MALL: variants seen among roughly 807,000 people sequenced by gnomAD.
MALL encodes mal, T cell differentiation protein like.
A neutral mutation model predicts 10.3 loss-of-function variants in MALL; 2 were observed. That is an observed-to-expected ratio of 0.19 (90% CI 0.08 to 0.61). The LOEUF (loss-of-function observed/expected upper bound fraction) is 0.61. MALL is among the 20% of genes least tolerant of loss of function. The probability of loss-of-function intolerance (pLI) is 0.88; values close to 1 mark genes in which losing one functional copy is unlikely to be tolerated. For missense variants in MALL, 39 were observed against 115.2 expected, an observed-to-expected ratio of 0.34 and a Z score of 3.03; for synonymous variants, 27 against 51.8, an observed-to-expected ratio of 0.52 and a Z score of 2.05.
intron 1 of MALL, among the ~76,000 whole-genome samples, chr2:110,104,917 A>G (rs991562726): frequency 2.0e-5 from 3 of 152,302 alleles, no homozygotes; most frequent in Non-Finnish European, 4.4e-5. Flanking sequence ...TTGACTTACA[A>G]TTGTTACTTG....
chr2:110,103,908 T>A (rs1678632319), intron 1 of MALL, among the ~76,000 whole-genome samples: 1 of 152,112 alleles, frequency 6.6e-6, no homozygotes, highest in Non-Finnish European at 1.5e-5. Flanking sequence ...CCAGCATCTC[T>A]CTGCTGTGTG....
At chr2:110,111,797 A>T (rs1290817567) in intron 1 of MALL, among the ~76,000 whole-genome samples, 1 of 152,204 alleles carries the variant, frequency 6.6e-6, no homozygotes, top group Non-Finnish European at 1.5e-5. Context: ...CAAAAAGAAC[A>T]AATCTGGAGG....
chr2:110,106,678 G>A (rs913462517), intron 1 of MALL, among the ~76,000 whole-genome samples: 5 of 152,036 alleles, frequency 3.3e-5, no homozygotes, highest in African/African-American at 9.7e-5. Context: ...TTAATAAAGC[G>A]TACACTTACT....
At chr2:110,116,700 G>A (rs1241435245), upstream of MALL, 1 of 152,340 alleles carries the variant, frequency 6.6e-6, no homozygotes, top group Non-Finnish European at 1.5e-5. Context: ...CCAGAGGCAA[G>A]CAACTCCTTT....
intron 1 of MALL, among the ~76,000 whole-genome samples, chr2:110,095,791 G>T (rs1004208235): frequency 6.6e-6 from 1 of 152,074 alleles, no homozygotes; most frequent in Admixed American, 6.5e-5. Context: ...GGAGAGGGAG[G>T]TTGAGCCTGG....
At chr2:110,104,786 C>T (rs1678650832) in intron 1 of MALL, among the ~76,000 whole-genome samples, 1 of 152,172 alleles carries the variant, frequency 6.6e-6, no homozygotes, top group Admixed American at 6.5e-5. Context: ...GTGTTAGTTG[C>T]ACCACTCCTT....
intron 1 of MALL, among the ~76,000 whole-genome samples, chr2:110,114,160 G>T (rs540609104): frequency 1.3e-5 from 2 of 152,022 alleles, no homozygotes; most frequent in South Asian, 4.2e-4. Flanking sequence ...TTCTCCCCTG[G>T]CCTCTAGGCC....
chr2:110,115,924 G>T, upstream of MALL: 1 of 410,202 alleles, frequency 2.4e-6, no homozygotes, highest in East Asian at 3.6e-5. Context: ...AGCCGAGCAG[G>T]TCCTTCCACT....
Position 110,115,696 on chromosome 2 carries a change from G to C in MALL, c.97C>G (p.Pro33Ala). ...GGGGGTGCCGCACTCACCAGCTCGG[G>C]CAGGAAGAAGGCGAAAGGGATGGTG... ...FLTIPFAFFL[P>A]ELIFGFLVWT... The change falls in exon 1 of 4, where the codon CCC becomes GCC. Residue 33 changes from proline to alanine, a missense_variant. Pro to Ala is a conservative substitution (Grantham distance 27). Transcript: ENST00000272462. The C allele has an allele frequency of 7.8e-7, 1 of 1,284,184 alleles. No individual in the cohort carries two copies. The highest frequency in any genetic ancestry group is 3.6e-5 in the South Asian group (1 of 27,726). 79.5% of individuals were successfully genotyped at this position (1,284,184 alleles called of 1,614,324 possible). A position where few individuals can be genotyped will look rare whatever the true frequency, so the allele number is the denominator to read the frequency against.
At chr2:110,117,620 TGTGTGAGAGA>T (rs1452997232), upstream of MALL, among the ~76,000 whole-genome samples, 79 of 133,370 alleles carry the variant, frequency 5.9e-4, no homozygotes, top group African/African-American at 8.6e-4. Context: ...TGTGTGTGTG[TGTGTGAGAGA>T]GAGAGAGAGA....
chr2:110,105,097 C>A (rs1460426912), intron 1 of MALL, among the ~76,000 whole-genome samples: 1 of 152,172 alleles, frequency 6.6e-6, no homozygotes, highest in Non-Finnish European at 1.5e-5. Context: ...GTTACTCTTT[C>A]CATTGTTGAT....
chr2:110,107,393 G>C lies in MALL; in HGVS notation c.105+8295C>G, dbSNP rs190367942. Among the ~76,000 whole-genome samples the C allele has an allele frequency of 8.3e-4, 126 of 152,174 alleles. 1 individual carries two copies. In the East Asian group the frequency reaches 0.014, roughly 17 times the overall value. On this transcript the variant is annotated intron_variant, in intron 1 of 3. Transcript: ENST00000272462. The stretch of plus-strand genomic sequence containing the variant: ...GACTGGCCATTTGGTTTGTGTGGGA[G>C]CTGGGTGAGGCCTGTAACTGCCAGC...
intron 1 of MALL, among the ~76,000 whole-genome samples, chr2:110,100,477 C>T (rs113150433): frequency 4.6e-5 from 7 of 150,732 alleles, no homozygotes; most frequent in Admixed American, 1.3e-4. Flanking sequence ...TGTCCCCCAC[C>T]CTAAAAAAAA....
intron 1 of MALL, among the ~76,000 whole-genome samples, chr2:110,103,680 C>T (rs1188063600): frequency 2.0e-5 from 3 of 152,300 alleles, no homozygotes; most frequent in Admixed American, 6.5e-5. Context: ...TGCCAGCAGC[C>T]GGTGGCTCCT....
At chr2:110,096,947 T>A (rs534473304) in intron 1 of MALL, among the ~76,000 whole-genome samples, 185 of 152,272 alleles carry the variant, frequency 1.2e-3, no homozygotes, top group Non-Finnish European at 2.0e-3. Flanking sequence ...ATGATGCATG[T>A]GAGCAAAATG....
chr2:110,117,618 TGTGTGTGA>T (rs745659644), upstream of MALL, among the ~76,000 whole-genome samples: 22 of 134,714 alleles, frequency 1.6e-4, no homozygotes, highest in East Asian at 8.5e-4. Context: ...TGTGTGTGTG[TGTGTGTGA>T]GAGAGAGAGA....
intron 1 of MALL, among the ~76,000 whole-genome samples, chr2:110,105,843 G>T (rs737181): frequency 0.056 from 8,448 of 152,202 alleles, 580 homozygotes; most frequent in African/African-American, 0.16. Context: ...GCCCTAGGGG[G>T]CTCCCGGGAA....
chr2:110,097,554 C>T (rs1352218009), intron 1 of MALL: 10 of 456,164 alleles, frequency 2.2e-5, no homozygotes, highest in Non-Finnish European at 4.4e-5. Context: ...CTGCAGGGGC[C>T]GGGATCACAC....
rs116052344 is a variant in MALL, at chr2:110,104,618, C to T, written c.105+11070G>A. On this transcript the variant is annotated intron_variant, in intron 1 of 3. Coordinates refer to ENST00000272462, the MANE Select transcript of MALL (RefSeq NM_005434.5). Reference sequence around the variant, plus strand: ...CAGTCCTAATCTGAACAAGAAAATGCGTCACCCATCAATCCAAGCCCTCCA... The same window carrying T: ...CAGTCCTAATCTGAACAAGAAAATGTGTCACCCATCAATCCAAGCCCTCCA... 7.8e-3 allele frequency among the ~76,000 whole-genome samples: 1,188 copies of T among 152,254 alleles called. 18 individuals are homozygous for T. Among genetic ancestry groups the T allele is most frequent in the African/African-American group, 0.027 (1,142 of 41,540 alleles).
Sources: allele counts gnomAD v4.1 joint callset (sites outside exome capture counted in the v4.1 genomes callset), GRCh38; gene constraint gnomAD v4.1.1; transcripts MANE v1.5; gene names NCBI Gene and HGNC (gene_info 2026-07-23, HGNC 2026-07-21).